Variants in TIMM29 observed in about 807,000 individuals in gnomAD.
The protein encoded by TIMM29 is mitochondrial import inner membrane translocase subunit Tim29.
TIMM29 carries 23 observed loss-of-function variants against 19.5 expected under a neutral mutation model. The observed-to-expected ratio is 1.18, with a 90% confidence interval of 0.85 to 1.67. TIMM29 has a LOEUF of 1.67. Ranked by LOEUF, TIMM29 falls within the 40% of genes most tolerant of loss-of-function variation. TIMM29 has a pLI of 0.00. For synonymous variants in TIMM29, 209 were observed against 185.0 expected, an observed-to-expected ratio of 1.13 and a Z score of -1.05; for missense variants, 404 against 384.7, an observed-to-expected ratio of 1.05 and a Z score of -0.42.
Position 10,929,612 on chromosome 19 carries a change from G to A in TIMM29, c.693G>A (p.Leu231=). ...VLTDDQVDQA[L]WEEQVLQKEK... Reference sequence around the variant, plus strand: ...CCGACGATCAGGTGGACCAGGCGCTGTGGGAGGAGCAGGTCTTGCAGAAGG... The same window carrying A: ...CCGACGATCAGGTGGACCAGGCGCTATGGGAGGAGCAGGTCTTGCAGAAGG... Residue 231 remains leucine (L), a synonymous_variant, in exon 2 of 2, where the codon CTG becomes CTA. Transcript: ENST00000270502. The A allele has an allele frequency of 6.2e-7, 1 of 1,613,068 alleles. No individual in the cohort carries two copies. The highest frequency in any genetic ancestry group is 8.5e-7 in the Non-Finnish European group (1 of 1,180,028).
In TIMM29 at chr19:10,929,558, C is replaced by G; in HGVS notation, c.639C>G (p.Phe213Leu). Residue 213 changes from phenylalanine to leucine, a missense_variant, in exon 2 of 2, where the codon TTC becomes TTG. Physicochemically the swap from Phe to Leu is conservative, Grantham distance 22 (BLOSUM62 0). Transcript: ENST00000270502. Reference protein sequence around the residue: ...QLHSETNERLFDEKYKPVVLT... With the variant: ...QLHSETNERLLDEKYKPVVLT... ...ATTCCGAGACCAACGAGCGGCTCTT[C>G]GATGAGAAGTACAAGCCTGTCGTGC... 6.2e-7 allele frequency: 1 copy of G among 1,612,992 alleles called. No individual in the cohort carries two copies. The highest frequency in any genetic ancestry group is 8.5e-7 in the Non-Finnish European group (1 of 1,180,006).
rs1486381558 is a variant in TIMM29, at chr19:10,929,103, G to C, written c.184G>C (p.Val62Leu). ...EARARPGRAA[V>L]YVGLLGGAAA... Reference sequence around the variant, plus strand: ...TAGGGCCCGGCCGGGGCGCGCCGCTGTGTATGTGGGTCTGCTGGGCGGCGC... The same window carrying C: ...TAGGGCCCGGCCGGGGCGCGCCGCTCTGTATGTGGGTCTGCTGGGCGGCGC... The change falls in exon 2 of 2, where the codon GTG becomes CTG. Residue 62 changes from valine to leucine, a missense_variant. By Grantham distance (32) the Val-to-Leu change is conservative. Transcript: ENST00000270502. 5 of 1,461,348 alleles carry C rather than the reference G, an allele frequency of 3.4e-6. No individual in the cohort carries two copies. Among genetic ancestry groups the C allele is most frequent in the Non-Finnish European group, 4.5e-6 (5 of 1,119,768 alleles). The allele number at this position is 1,461,348 out of a possible 1,614,324, so 90.5% of individuals were successfully genotyped here. A position where few individuals can be genotyped will look rare whatever the true frequency, so the allele number is the denominator to read the frequency against.
rs1174186013 is a variant in TIMM29 at position 10,929,028 on chromosome 19, G to A, written c.109G>A (p.Ala37Thr). The change falls in exon 2 of 2, where the codon GCG becomes ACG. Residue 37 changes from alanine to threonine, a missense_variant. Transcript: ENST00000270502. ...TCTCCCCTCAGGGTCCTGGGCCCGCGCGCTGCTCCGGGACTACGCCGAGGC... is the reference window on the plus strand; with the variant it reads ...TCTCCCCTCAGGGTCCTGGGCCCGCACGCTGCTCCGGGACTACGCCGAGGC... ...VWARLGSWAR[A>T]LLRDYAEACR... 1 of 1,462,518 alleles carries A rather than the reference G, an allele frequency of 6.8e-7. No individual in the cohort carries two copies. The highest frequency in any genetic ancestry group is 2.8e-5 in the Admixed American group (1 of 35,878). The allele number at this position is 1,462,518 out of a possible 1,614,324, so 90.6% of individuals were successfully genotyped here.
rs1261367894 is a variant in TIMM29 at position 10,930,230 on chromosome 19, T to C, written c.*528T>C. On this transcript the variant is annotated 3_prime_UTR_variant, in exon 2 of 2. Transcript: ENST00000270502. The stretch of plus-strand genomic sequence containing the variant: ...AATAATAGTAATTAACTAAATAAAA[T>C]TTGAGCTGAAATGTTTTTATTCTAT... The C allele has an allele frequency of 6.6e-6, 1 of 152,012 alleles. No homozygotes were observed. The highest frequency in any genetic ancestry group is 6.6e-5 in the Admixed American group (1 of 15,216). The allele number at this position is 152,012 out of a possible 1,614,324, so 9.4% of individuals were successfully genotyped here.
At position 10,929,053 on chromosome 19, in the gene TIMM29, C is replaced by A; in HGVS notation, c.134C>A (p.Ala45Asp). Residue 45 changes from alanine to aspartate, a missense_variant, in exon 2 of 2, where the codon GCC (alanine) becomes GAC (aspartate). Transcript: ENST00000270502. The part of the protein sequence containing the change: ...ARALLRDYAE[A>D]CRDASAEARA... ...GCGCTGCTCCGGGACTACGCCGAGG[C>A]CTGCAGGGACGCTTCGGCGGAGGCT... The A allele has an allele frequency of 6.8e-7, 1 of 1,470,996 alleles. No individual in the cohort carries two copies. The highest frequency in any genetic ancestry group is 1.3e-5 in the South Asian group (1 of 74,166). 91.1% of individuals were successfully genotyped at this position (1,470,996 alleles called of 1,614,324 possible).
Position 10,929,510 on chromosome 19 carries a change from G to T in TIMM29, c.591G>T (p.Arg197=). ...DEFLHLPAHL[R]VVGPQQLHSE... is the part of the protein sequence containing the mutation. ...TCCTGCACCTGCCGGCGCATTTGCG[G>T]GTGGTCGGGCCCCAGCAGCTGCATT... The change falls in exon 2 of 2, where the codon CGG becomes CGT. Residue 197 remains arginine, a synonymous_variant. Coordinates refer to ENST00000270502, the MANE Select transcript of TIMM29 (RefSeq NM_138358.4). 6.2e-7 allele frequency: 1 copy of T among 1,613,122 alleles called. No homozygotes were observed. The highest frequency in any genetic ancestry group is 8.5e-7 in the Non-Finnish European group (1 of 1,180,040).
At position 10,929,194 on chromosome 19, in the gene TIMM29, G is replaced by A. The variant is rs2083472377; in HGVS notation, c.275G>A (p.Gly92Glu). The A allele has an allele frequency of 6.1e-6, 9 of 1,470,178 alleles. No individual in the cohort carries two copies. Among genetic ancestry groups the A allele is most frequent in the Non-Finnish European group, 8.0e-6 (9 of 1,118,752 alleles). The allele number at this position is 1,470,178 out of a possible 1,614,324, so 91.1% of individuals were successfully genotyped here. Residue 92 changes from glycine to glutamate, a missense_variant, in exon 2 of 2, where the codon GGG becomes GAG. By Grantham distance (98) the Gly-to-Glu change is moderately conservative. Transcript: ENST00000270502. ...AFEEALLEASGTLLLLAPATR... is the reference protein window; with the variant it reads ...AFEEALLEASETLLLLAPATR... ...GAGGAGGCGCTGCTGGAGGCGTCGG[G>A]GACCCTCCTGCTGCTGGCGCCGGCC...
chr19:10,928,960 AGGGTGGGTGGCCGCCGCGGCC>A, intron 1 of TIMM29, 33 bp from the exon 2 acceptor site: 1 of 1,473,984 alleles, frequency 6.8e-7, no homozygotes, highest in Non-Finnish European at 8.9e-7. Context: ...CCGCCGCGAC[AGGGTGGGTGGCCGCCGCGGCC>A]GGATCACTCT....
chr19:10,928,883 G>A lies in TIMM29; in HGVS notation c.61G>A (p.Val21Ile). Residue 21 changes from valine to isoleucine, a missense_variant, in exon 1 of 2, where the codon GTA becomes ATA. Transcript: ENST00000270502. ...SRRRAEAGDA[V>I]VAKPGVWARL... is the part of the protein sequence containing the mutation. Reference sequence around the variant, plus strand: ...GCGCCGCGCAGAGGCGGGCGACGCGGTAGTGGCGAAGCCGGGAGTGTGGGC... The same window carrying A: ...GCGCCGCGCAGAGGCGGGCGACGCGATAGTGGCGAAGCCGGGAGTGTGGGC... 1 of 1,527,692 alleles carries A rather than the reference G, an allele frequency of 6.5e-7. No homozygotes were observed. Among genetic ancestry groups the A allele is most frequent in the South Asian group, 1.2e-5 (1 of 83,080 alleles). The allele number at this position is 1,527,692 out of a possible 1,614,324, so 94.6% of individuals were successfully genotyped here. A position where few individuals can be genotyped will look rare whatever the true frequency, so the allele number is the denominator to read the frequency against.
Position 10,929,522 on chromosome 19 carries a change from C to T in TIMM29, c.603C>T (p.Pro201=), listed in dbSNP as rs1471869978. ...HLPAHLRVVG[P]QQLHSETNER... is the part of the protein sequence containing the mutation. ...CGGCGCATTTGCGGGTGGTCGGGCC[C>T]CAGCAGCTGCATTCCGAGACCAACG... is the stretch of plus-strand genomic sequence containing the variant. The change falls in exon 2 of 2, where the codon CCC becomes CCT. Residue 201 remains proline (P), a synonymous_variant. Coordinates refer to ENST00000270502, the MANE Select transcript of TIMM29 (RefSeq NM_138358.4). 1.2e-6 allele frequency: 2 copies of T among 1,613,070 alleles called. No individual in the cohort carries two copies. Among genetic ancestry groups the T allele is most frequent in the Admixed American group, 1.7e-5 (1 of 60,030 alleles).
chr19:10,929,028 G>T lies in TIMM29; in HGVS notation c.109G>T (p.Ala37Ser), dbSNP rs1174186013. 2 of 1,462,518 alleles carry T rather than the reference G, an allele frequency of 1.4e-6. No individual in the cohort carries two copies. Among genetic ancestry groups the T allele is most frequent in the Non-Finnish European group, 1.8e-6 (2 of 1,123,458 alleles). 90.6% of individuals were successfully genotyped at this position (1,462,518 alleles called of 1,614,324 possible). A position where few individuals can be genotyped will look rare whatever the true frequency, so the allele number is the denominator to read the frequency against. The stretch of plus-strand genomic sequence containing the variant: ...TCTCCCCTCAGGGTCCTGGGCCCGC[G>T]CGCTGCTCCGGGACTACGCCGAGGC... ...VWARLGSWAR[A>S]LLRDYAEACR... The change falls in exon 2 of 2, where the codon GCG becomes TCG. Residue 37 changes from alanine (A) to serine (S), a missense_variant. By Grantham distance (99) the Ala-to-Ser change is moderately conservative (BLOSUM62 1). Coordinates refer to ENST00000270502, the MANE Select transcript of TIMM29 (RefSeq NM_138358.4).
Position 10,929,038 on chromosome 19 carries a change from G to C in TIMM29, c.119G>C (p.Arg40Pro), listed in dbSNP as rs927572143. ...GGGTCCTGGGCCCGCGCGCTGCTCC[G>C]GGACTACGCCGAGGCCTGCAGGGAC... is the stretch of plus-strand genomic sequence containing the variant. ...RLGSWARALL[R>P]DYAEACRDAS... is the part of the protein sequence containing the mutation. Residue 40 changes from arginine to proline, a missense_variant, in exon 2 of 2, where the codon CGG becomes CCG. Physicochemically the swap from Arg to Pro is moderately radical, Grantham distance 103. Coordinates refer to ENST00000270502, the MANE Select transcript of TIMM29 (RefSeq NM_138358.4). 7.5e-6 allele frequency: 11 copies of C among 1,466,254 alleles called. No individual in the cohort carries two copies. Among genetic ancestry groups the C allele is most frequent in the African/African-American group, 1.5e-5 (1 of 67,036 alleles). The allele number at this position is 1,466,254 out of a possible 1,614,324, so 90.8% of individuals were successfully genotyped here.
chr19:10,929,436 TGGGTGCTGG>T lies in TIMM29; in HGVS notation c.521_529del (p.Val174_Gly176del), dbSNP rs1568367677. ...GGACGTGGGCTTCGTGGGTCGCTGG[TGGGTGCTGG>T]GGGCCTGGATGCGCGACTGCGACAT... is the stretch of plus-strand genomic sequence containing the variant. On this transcript the variant is annotated inframe_deletion, in exon 2 of 2. Transcript: ENST00000270502. 3 of 1,612,228 alleles carry T rather than the reference TGGGTGCTGG, an allele frequency of 1.9e-6. No individual in the cohort carries two copies. The South Asian group carries it at 3.3e-5, about 18-fold the overall frequency.
chr19:10,929,818 T>C lies in TIMM29; in HGVS notation c.*116T>C. Reference sequence around the variant, plus strand: ...ATGTGCAAAGTGTTTTCTCACTGGATTTGCACAAGTTTGGGGAGCCTTTCT... The same window carrying C: ...ATGTGCAAAGTGTTTTCTCACTGGACTTGCACAAGTTTGGGGAGCCTTTCT... On this transcript the variant is annotated 3_prime_UTR_variant, in exon 2 of 2. Coordinates refer to ENST00000270502, the MANE Select transcript of TIMM29 (RefSeq NM_138358.4). 8.6e-7 allele frequency: 1 copy of C among 1,166,930 alleles called. No individual in the cohort carries two copies. Among genetic ancestry groups the C allele is most frequent in the Non-Finnish European group, 1.2e-6 (1 of 849,884 alleles). The allele number at this position is 1,166,930 out of a possible 1,614,324, so 72.3% of individuals were successfully genotyped here.
rs1599732070 is a variant in TIMM29 at position 10,929,858 on chromosome 19, T to C, written c.*156T>C. 17 of 851,492 alleles carry C rather than the reference T, an allele frequency of 2.0e-5. No individual in the cohort carries two copies. The East Asian group carries it at 4.6e-4, about 23-fold the overall frequency. 52.7% of individuals were successfully genotyped at this position (851,492 alleles called of 1,614,324 possible). On this transcript the variant is annotated 3_prime_UTR_variant, in exon 2 of 2. Coordinates refer to ENST00000270502, the MANE Select transcript of TIMM29 (RefSeq NM_138358.4). ...GGAGCCTTTCTGCCCCCCGTCTTTG[T>C]TCTTTATTAGCTGAAGCTAATTCAG... is the stretch of plus-strand genomic sequence containing the variant.
At position 10,929,636 on chromosome 19, in the gene TIMM29, G is replaced by A. The variant is rs770004591; in HGVS notation, c.717G>A (p.Lys239=). Residue 239 remains lysine, a synonymous_variant, in exon 2 of 2, where the codon AAG becomes AAA. Transcript: ENST00000270502. The stretch of plus-strand genomic sequence containing the variant: ...TGTGGGAGGAGCAGGTCTTGCAGAA[G>A]GAGAAGAAGGACAGGCTCGCCCTGA... The part of the protein sequence containing the change: ...QALWEEQVLQ[K]EKKDRLALSQ... 3.1e-6 allele frequency: 5 copies of A among 1,612,878 alleles called. No individual in the cohort carries two copies. Among genetic ancestry groups the A allele is most frequent in the Middle Eastern group, 1.6e-4 (1 of 6,084 alleles).
At position 10,929,157 on chromosome 19, in the gene TIMM29, G is replaced by T; in HGVS notation, c.238G>T (p.Glu80Ter). 3 of 1,454,948 alleles carry T rather than the reference G, an allele frequency of 2.1e-6. No homozygotes were observed. The highest frequency in any genetic ancestry group is 2.7e-6 in the Non-Finnish European group (3 of 1,114,660). The allele number at this position is 1,454,948 out of a possible 1,614,324, so 90.1% of individuals were successfully genotyped here. A position where few individuals can be genotyped will look rare whatever the true frequency, so the allele number is the denominator to read the frequency against. The change falls in exon 2 of 2, where the codon GAG becomes TAG. Residue 80 changes from glutamate to a stop codon, truncating the protein, a stop_gained. Transcript: ENST00000270502. LOFTEE classifies it high-confidence loss of function. ...AAACFTLAPS[E>*]GAFEEALLEA... ...GGCCTGCTTCACGCTGGCGCCCAGC[G>T]AGGGTGCCTTCGAGGAGGCGCTGCT...
rs538123098 is a variant in TIMM29, at chr19:10,929,384, C to T, written c.465C>T (p.Arg155=). 3 of 1,604,880 alleles carry T rather than the reference C, an allele frequency of 1.9e-6. No homozygotes were observed. Among genetic ancestry groups the T allele is most frequent in the African/African-American group, 2.7e-5 (2 of 74,930 alleles). ...YQARCRYLQP[R]WTDFPGRVLD... The stretch of plus-strand genomic sequence containing the variant: ...CGCGTTGCCGCTACCTGCAGCCCCG[C>T]TGGACCGACTTCCCCGGCCGGGTCC... The change falls in exon 2 of 2, where the codon CGC becomes CGT. Residue 155 remains arginine, a synonymous_variant. Coordinates refer to ENST00000270502, the MANE Select transcript of TIMM29 (RefSeq NM_138358.4).
Position 10,928,844 on chromosome 19 carries a change from A to T in TIMM29, c.22A>T (p.Arg8Ter). Reference sequence around the variant, plus strand: ...GAGGATGGCCGCGGCGGCTCTGAGGAGATTTTGGTCCCGGCGCCGCGCAGA... The same window carrying T: ...GAGGATGGCCGCGGCGGCTCTGAGGTGATTTTGGTCCCGGCGCCGCGCAGA... MAAAALR[R>*]FWSRRRAEAG... is the part of the protein sequence containing the mutation. The change falls in exon 1 of 2, where the codon AGA becomes TGA. Residue 8 changes from arginine to a stop codon, truncating the protein, a stop_gained. Transcript: ENST00000270502. LOFTEE classifies it high-confidence loss of function. 1.3e-6 allele frequency: 2 copies of T among 1,525,448 alleles called. No homozygotes were observed. The highest frequency in any genetic ancestry group is 2.4e-5 in the South Asian group (2 of 82,370). The allele number at this position is 1,525,448 out of a possible 1,614,324, so 94.5% of individuals were successfully genotyped here.
Sources: gnomAD v4.1 joint callset for allele counts on GRCh38, gnomAD v4.1.1 for gene constraint, MANE v1.5 for transcripts, NCBI Gene and HGNC (gene_info 2026-07-23, HGNC 2026-07-21) for gene names.